Variants in SPATA17 observed in about 807,000 individuals in gnomAD.
SPATA17 encodes the protein spermatogenesis-associated protein 17.
Under a neutral mutation model 62.2 loss-of-function variants are expected in SPATA17, and 53 were observed. The ratio of observed to expected loss-of-function variants is 0.85; its 90% confidence interval spans 0.68 to 1.07. The LOEUF is 1.07. Among genes scored for constraint, SPATA17 ranks in the 50% least tolerant of loss-of-function variants. The pLI is 0.00. For synonymous variants in SPATA17, 146 were observed against 146.8 expected (o/e 0.99, Z 0.04); for missense variants, 466 against 425.5 (o/e 1.10, Z -0.84).
At chr1:217,709,920 AT>A (rs1465355011) in intron 5 of SPATA17, among the ~76,000 whole-genome samples, 1 of 152,188 alleles carries the variant, frequency 6.6e-6, no homozygotes, top group East Asian at 1.9e-4. Flanking sequence ...AACAATTAAG[AT>A]TTATGTCTGA....
chr1:217,670,435 G>A (rs1670807209), intron 4 of SPATA17, among the ~76,000 whole-genome samples: 1 of 152,150 alleles, frequency 6.6e-6, no homozygotes, highest in East Asian at 1.9e-4. Flanking sequence ...TTGAGTTCTG[G>A]TCTGGCTTAT....
At chr1:217,649,733 C>T (rs1020654542) in intron 2 of SPATA17, among the ~76,000 whole-genome samples, 4 of 141,650 alleles carry the variant, frequency 2.8e-5, no homozygotes, top group African/African-American at 1.0e-4. Flanking sequence ...CTCTTTCTCA[C>T]TTTTTTTTTT....
intron 9 of SPATA17, among the ~76,000 whole-genome samples, chr1:217,821,951 T>C (rs1308907200): frequency 6.6e-6 from 1 of 152,056 alleles, no homozygotes; most frequent in Non-Finnish European, 1.5e-5. Flanking sequence ...ATTTTGGCAA[T>C]GTATTTTTGA....
At chr1:217,791,607 A>C (rs1385909353) in intron 8 of SPATA17, among the ~76,000 whole-genome samples, 2 of 152,218 alleles carry the variant, frequency 1.3e-5, no homozygotes, top group Non-Finnish European at 1.5e-5. Context: ...AGATTTTAAA[A>C]ATCTATACAG....
At chr1:217,865,401 T>C (rs1230957398) in intron 10 of SPATA17, among the ~76,000 whole-genome samples, 1 of 152,230 alleles carries the variant, frequency 6.6e-6, no homozygotes, top group Non-Finnish European at 1.5e-5. Flanking sequence ...AAACACTGCC[T>C]GTACCTAGCT....
At chr1:217,862,964 A>G (rs1002828489) in intron 10 of SPATA17, 108 bp downstream of exon 10, 10 of 612,604 alleles carry the variant, frequency 1.6e-5, no homozygotes, top group Admixed American at 5.3e-5. Context: ...TGCTATAATA[A>G]TATTTTATGT....
intron 6 of SPATA17, among the ~76,000 whole-genome samples, chr1:217,768,449 T>A (rs764205627): frequency 7.9e-5 from 12 of 152,056 alleles, no homozygotes; most frequent in Non-Finnish European, 1.5e-4. Context: ...TATAATTATA[T>A]TGGTCTTGAA....
At chr1:217,834,445 G>A (rs1675215044) in intron 9 of SPATA17, among the ~76,000 whole-genome samples, 1 of 152,116 alleles carries the variant, frequency 6.6e-6, no homozygotes, top group African/African-American at 2.4e-5. Context: ...ATACCTTCTA[G>A]TGGGACAAGC....
At chr1:217,790,918 G>A (rs1673982578) in intron 8 of SPATA17, among the ~76,000 whole-genome samples, 1 of 152,132 alleles carries the variant, frequency 6.6e-6, no homozygotes, top group Non-Finnish European at 1.5e-5. Flanking sequence ...ATAGTGAAAA[G>A]AAAATTTAAC....
At chr1:217,636,148 AAAG>A (rs1472037882) in intron 1 of SPATA17, among the ~76,000 whole-genome samples, 13 of 148,308 alleles carry the variant, frequency 8.8e-5, no homozygotes, top group Non-Finnish European at 1.8e-4. Context: ...AAAAAAAAAA[AAAG>A]GGTGTTTTCA....
chr1:217,824,690 A>T (rs1449935874), intron 9 of SPATA17, among the ~76,000 whole-genome samples: 2 of 150,926 alleles, frequency 1.3e-5, no homozygotes, highest in East Asian at 4.0e-4. Context: ...TCATATGTAT[A>T]TATATTTTAT....
At chr1:217,701,969 A>G (rs183164632) in intron 5 of SPATA17, among the ~76,000 whole-genome samples, 5 of 151,918 alleles carry the variant, frequency 3.3e-5, no homozygotes, top group African/African-American at 1.2e-4. Context: ...GAAATTATAA[A>G]TAATACAGAA....
intron 6 of SPATA17, among the ~76,000 whole-genome samples, chr1:217,763,924 G>C (rs955066564): frequency 2.0e-5 from 3 of 152,118 alleles, no homozygotes; most frequent in Admixed American, 2.0e-4. Flanking sequence ...TTATATTTTA[G>C]AGCAGTTTTA....
intron 3 of SPATA17, among the ~76,000 whole-genome samples, chr1:217,668,584 G>A (rs930228619): frequency 6.6e-6 from 1 of 152,120 alleles, no homozygotes; most frequent in Non-Finnish European, 1.5e-5. Context: ...ATCCTTGAAC[G>A]ATTTCAACTG....
chr1:217,656,232 T>A (rs1048316540), intron 3 of SPATA17, among the ~76,000 whole-genome samples: 16 of 152,306 alleles, frequency 1.1e-4, no homozygotes, highest in Admixed American at 9.1e-4. Context: ...TTTCAATAAC[T>A]GTATTCAAAG....
intron 5 of SPATA17, among the ~76,000 whole-genome samples, chr1:217,706,081 T>C (rs530658127): frequency 6.6e-6 from 1 of 152,346 alleles, no homozygotes; most frequent in South Asian, 2.1e-4. Flanking sequence ...TCTGTTTTTG[T>C]AGCACTACCA....
intron 6 of SPATA17, among the ~76,000 whole-genome samples, chr1:217,762,692 C>T (rs919181729): frequency 6.6e-6 from 1 of 152,190 alleles, no homozygotes; most frequent in Admixed American, 6.5e-5. Context: ...CTAAACTAGG[C>T]CAGACGCAGT....
At chr1:217,693,467 AG>A (rs1671387011) in intron 5 of SPATA17, among the ~76,000 whole-genome samples, 2 of 138,068 alleles carry the variant, frequency 1.4e-5, no homozygotes, top group African/African-American at 5.5e-5. Context: ...GATTTTTTGA[AG>A]GGTTTTTTGT....
chr1:217,655,000 G>A (rs148518235), intron 3 of SPATA17, among the ~76,000 whole-genome samples: 118 of 152,212 alleles, frequency 7.8e-4, no homozygotes, highest in African/African-American at 1.0e-3. Context: ...GTGAGCCACC[G>A]CACCCAGCCC....
Sources: allele counts gnomAD v4.1 joint callset (sites outside exome capture counted in the v4.1 genomes callset), GRCh38; gene constraint gnomAD v4.1.1; transcripts MANE v1.5; gene names NCBI Gene and HGNC (gene_info 2026-07-23, HGNC 2026-07-21).